CAMK1D: variants seen among roughly 807,000 people sequenced by gnomAD.
CAMK1D encodes calcium/calmodulin dependent protein kinase ID, also known as calcium/calmodulin-dependent protein kinase type 1D.
Under a neutral mutation model 47.7 loss-of-function variants are expected in CAMK1D, and 9 were observed. That is an observed-to-expected ratio of 0.19 (90% CI 0.11 to 0.33). The LOEUF (loss-of-function observed/expected upper bound fraction) is 0.33. Ranked by LOEUF, CAMK1D falls within the 10% of genes least tolerant of loss-of-function variation. The pLI is 1.00. For missense variants in CAMK1D, 291 were observed against 488.7 expected, an observed-to-expected ratio of 0.60 and a Z score of 3.81; for synonymous variants, 184 against 184.9, an observed-to-expected ratio of 0.99 and a Z score of 0.04.
At chr10:12,700,656 G>A (rs954309934) in intron 3 of CAMK1D, among the ~76,000 whole-genome samples, 2 of 152,166 alleles carry the variant, frequency 1.3e-5, no homozygotes, top group African/African-American at 4.8e-5. Flanking sequence ...GAAAGACATG[G>A]CACGAAATAG....
At chr10:12,588,609 T>A (rs948699132) in intron 2 of CAMK1D, among the ~76,000 whole-genome samples, 5 of 152,056 alleles carry the variant, frequency 3.3e-5, no homozygotes. Context: ...CCCCACCACC[T>A]GCACCTGCTC....
chr10:12,396,023 G>A (rs540578375), intron 1 of CAMK1D, among the ~76,000 whole-genome samples: 66 of 151,914 alleles, frequency 4.3e-4, no homozygotes, highest in Non-Finnish European at 8.7e-4. Context: ...ACAGGTGCCC[G>A]CCACCACACC....
intron 3 of CAMK1D, among the ~76,000 whole-genome samples, chr10:12,716,562 C>G (rs757211490): frequency 6.6e-5 from 10 of 152,076 alleles, no homozygotes; most frequent in Non-Finnish European, 1.3e-4. Flanking sequence ...TAAGTATGTG[C>G]CGTGTCATGA....
chr10:12,550,944 C>G (rs1331590476), intron 1 of CAMK1D, among the ~76,000 whole-genome samples: 3 of 152,204 alleles, frequency 2.0e-5, no homozygotes, highest in Non-Finnish European at 4.4e-5. Context: ...TTAAAACATG[C>G]ATTTAGCGTC....
intron 2 of CAMK1D, among the ~76,000 whole-genome samples, chr10:12,648,647 T>C (rs1367999259): frequency 3.3e-5 from 5 of 152,002 alleles, no homozygotes; most frequent in African/African-American, 1.2e-4. Context: ...ATTTTTGTAT[T>C]TTTAGTAGAG....
chr10:12,544,835 T>G (rs1233369260), intron 1 of CAMK1D, among the ~76,000 whole-genome samples: 1 of 151,872 alleles, frequency 6.6e-6, no homozygotes, highest in Non-Finnish European at 1.5e-5. Flanking sequence ...TAGTGTTAAG[T>G]GGATAGTACT....
chr10:12,435,135 A>C (rs1832590594), intron 1 of CAMK1D, among the ~76,000 whole-genome samples: 1 of 145,304 alleles, frequency 6.9e-6, no homozygotes, highest in South Asian at 2.4e-4. Context: ...AGGCAGGAGA[A>C]TGGCTTGAAC....
intron 6 of CAMK1D, among the ~76,000 whole-genome samples, chr10:12,805,949 T>G (rs1018969877): frequency 2.0e-5 from 3 of 152,188 alleles, no homozygotes; most frequent in African/African-American, 7.2e-5. Flanking sequence ...CCAACACGCA[T>G]GCCACGATGA....
intron 1 of CAMK1D, among the ~76,000 whole-genome samples, chr10:12,552,114 G>A (rs1437735064): frequency 1.3e-5 from 2 of 152,220 alleles, no homozygotes; most frequent in East Asian, 1.9e-4. Flanking sequence ...CTGCACGCAG[G>A]CCTTGCCTAC....
rs111496026 is a variant in CAMK1D at position 12,351,016 on chromosome 10, T to C, written c.92+1106T>C. 1.6e-3 allele frequency among the ~76,000 whole-genome samples: 244 copies of C among 152,202 alleles called. 2 individuals carry two copies. Among genetic ancestry groups the C allele is most frequent in the African/African-American group, 5.6e-3 (234 of 41,520 alleles). ...TTCCTCCTTTTTTTCCGTGTGCTTG[T>C]TTTTGTGCTTGGTTTCTTTTTTCCA... On this transcript the variant is annotated intron_variant, in intron 1 of 10. Coordinates refer to ENST00000619168, the MANE Select transcript of CAMK1D (RefSeq NM_153498.4).
In CAMK1D at chr10:12,831,244, A is replaced by T. The variant is rs1332820982; in HGVS notation, c.*2357A>T. ...TGTCACCTGAGTTGGCCATGCAATG[A>T]ATGAATATTATAAGCAGTATTGGAG... On this transcript the variant is annotated 3_prime_UTR_variant, in exon 11 of 11. Transcript: ENST00000619168. 1.3e-5 allele frequency: 2 copies of T among 152,254 alleles called. No individual in the cohort carries two copies. Among genetic ancestry groups the T allele is most frequent in the Non-Finnish European group, 2.9e-5 (2 of 68,046 alleles). The allele number at this position is 152,254 out of a possible 1,614,324, so 9.4% of individuals were successfully genotyped here.
At chr10:12,759,649 C>T (rs915488247) in intron 3 of CAMK1D, among the ~76,000 whole-genome samples, 1 of 152,108 alleles carries the variant, frequency 6.6e-6, no homozygotes, top group Non-Finnish European at 1.5e-5. Flanking sequence ...CTCCTGAGCA[C>T]CTTTTCTTTC....
At chr10:12,545,815 A>T (rs1269283811) in intron 1 of CAMK1D, among the ~76,000 whole-genome samples, 1 of 152,002 alleles carries the variant, frequency 6.6e-6, no homozygotes, top group Non-Finnish European at 1.5e-5. Context: ...AGAAAAAGAA[A>T]AAGACATGGA....
rs1394900726 is a variant in CAMK1D, at chr10:12,832,904, A to C, written c.*4017A>C. On this transcript the variant is annotated 3_prime_UTR_variant, in exon 11 of 11. Coordinates refer to ENST00000619168, the MANE Select transcript of CAMK1D (RefSeq NM_153498.4). ...GGGCAGATCACAAGGTCAAGAGATC[A>C]AGACCATTCTGGCCAACATGGTGAA... 6.6e-6 allele frequency: 1 copy of C among 152,438 alleles called. No individual in the cohort carries two copies. Among genetic ancestry groups the C allele is most frequent in the Non-Finnish European group, 1.5e-5 (1 of 68,214 alleles). 9.4% of individuals were successfully genotyped at this position (152,438 alleles called of 1,614,324 possible).
rs575920712 is a variant in CAMK1D at position 12,355,961 on chromosome 10, C to T, written c.92+6051C>T. 1.3e-4 allele frequency among the ~76,000 whole-genome samples: 20 copies of T among 152,188 alleles called. No homozygotes were observed. In the South Asian group the frequency reaches 1.9e-3, roughly 14 times the overall value. ...GTGGGGTGATGGCAGCTTGAGGTGACGCTTGAATGCAGACCTGGAAAGAGC... is the reference window on the plus strand; with the variant it reads ...GTGGGGTGATGGCAGCTTGAGGTGATGCTTGAATGCAGACCTGGAAAGAGC... On this transcript the variant is annotated intron_variant, in intron 1 of 10. Coordinates refer to ENST00000619168, the MANE Select transcript of CAMK1D (RefSeq NM_153498.4).
intron 2 of CAMK1D, among the ~76,000 whole-genome samples, chr10:12,625,189 A>T (rs909084904): frequency 2.0e-5 from 3 of 151,244 alleles, no homozygotes; most frequent in Non-Finnish European, 1.5e-5. Context: ...ATACAAAATG[A>T]ACTGGGCGTG....
At chr10:12,601,702 TC>T (rs1336464891) in intron 2 of CAMK1D, among the ~76,000 whole-genome samples, 1 of 152,184 alleles carries the variant, frequency 6.6e-6, no homozygotes, top group African/African-American at 2.4e-5. Flanking sequence ...GACTTCGTGA[TC>T]CGCCCGCCTC....
chr10:12,693,044 G>C lies in CAMK1D; in HGVS notation c.299+26234G>C, dbSNP rs369918029. ...AGATCATCCTCTATAATGTGGGTGG[G>C]CCTAATCCTATCAGTTGAGGTCTTA... On this transcript the variant is annotated intron_variant, in intron 3 of 10. Coordinates refer to ENST00000619168, the MANE Select transcript of CAMK1D (RefSeq NM_153498.4). 1.2e-4 allele frequency among the ~76,000 whole-genome samples: 19 copies of C among 152,222 alleles called. 1 individual carries two copies. Among genetic ancestry groups the C allele is most frequent in the Admixed American group, 7.2e-4 (11 of 15,272 alleles).
chr10:12,524,221 T>C (rs1178124285), intron 1 of CAMK1D, among the ~76,000 whole-genome samples: 1 of 151,450 alleles, frequency 6.6e-6, no homozygotes, highest in Non-Finnish European at 1.5e-5. Context: ...CATCTCAGCC[T>C]CCCAAAGTGC....
Sources: allele counts gnomAD v4.1 joint callset (sites outside exome capture counted in the v4.1 genomes callset), GRCh38; gene constraint gnomAD v4.1.1; transcripts MANE v1.5; gene names NCBI Gene and HGNC (gene_info 2026-07-23, HGNC 2026-07-21).